SYT1: variants seen among roughly 807,000 people sequenced by gnomAD.
SYT1 encodes synaptotagmin-1.
A neutral mutation model predicts 44.8 loss-of-function variants in SYT1; 8 were observed. That is an observed-to-expected ratio of 0.18 (90% CI 0.10 to 0.32). The LOEUF (loss-of-function observed/expected upper bound fraction) is 0.32. SYT1 is among the 10% of genes least tolerant of loss of function. SYT1 has a pLI of 1.00. For synonymous variants in SYT1, 154 were observed against 188.8 expected (o/e 0.82, Z 1.51); for missense variants, 286 against 509.3 (o/e 0.56, Z 4.22).
At chr12:79,191,102 T>A (rs1873094474) in intron 3 of SYT1, among the ~76,000 whole-genome samples, 1 of 150,954 alleles carries the variant, frequency 6.6e-6, no homozygotes, top group Non-Finnish European at 1.5e-5. Context: ...TAAATATAAA[T>A]ATATATATAT....
chr12:79,217,479 G>T, intron 3 of SYT1, 24 bp from the exon 4 acceptor site: 1 of 1,535,184 alleles, frequency 6.5e-7, no homozygotes. Context: ...GAATTGTTCT[G>T]TCTTTGCTTC....
At chr12:79,409,919 G>GT (rs5799431) in intron 9 of SYT1, among the ~76,000 whole-genome samples, 18 of 151,640 alleles carry the variant, frequency 1.2e-4, no homozygotes, top group African/African-American at 2.9e-4. Flanking sequence ...ACTCTAAACT[G>GT]TTTTTTTTCC....
chr12:79,250,557 C>G (rs1877139114), intron 4 of SYT1, among the ~76,000 whole-genome samples: 1 of 152,130 alleles, frequency 6.6e-6, no homozygotes, highest in Admixed American at 6.5e-5. Flanking sequence ...ATAATTTATA[C>G]TGCAGCAACA....
intron 9 of SYT1, among the ~76,000 whole-genome samples, chr12:79,421,149 G>A (rs1269603): frequency 0.14 from 21,683 of 152,030 alleles, 2,028 homozygotes; most frequent in Middle Eastern, 0.33. Flanking sequence ...TTTTAAGATC[G>A]TATTGCTTTA....
intron 3 of SYT1, among the ~76,000 whole-genome samples, chr12:79,157,930 C>T (rs1303236917): frequency 1.3e-5 from 2 of 152,076 alleles, no homozygotes; most frequent in African/African-American, 4.8e-5. Flanking sequence ...AGGACTCAAA[C>T]TCAGGCAGCT....
chr12:79,359,297 A>G (rs1220945229), intron 9 of SYT1, among the ~76,000 whole-genome samples: 10 of 152,160 alleles, frequency 6.6e-5, no homozygotes, highest in Admixed American at 6.6e-4. Flanking sequence ...TCAAGGAGCT[A>G]GGGAGGTGGC....
At chr12:79,446,115 G>T (rs776906570) in intron 10 of SYT1, among the ~76,000 whole-genome samples, 6 of 143,942 alleles carry the variant, frequency 4.2e-5, no homozygotes, top group Non-Finnish European at 7.5e-5. Flanking sequence ...AAGTACTATT[G>T]TTATTATCCT....
At chr12:78,998,285 G>C (rs545765577) in intron 2 of SYT1, among the ~76,000 whole-genome samples, 5 of 152,176 alleles carry the variant, frequency 3.3e-5, no homozygotes, top group Non-Finnish European at 5.9e-5. Flanking sequence ...GGAACAGTTA[G>C]GGCAAGAGCA....
chr12:78,974,120 G>T (rs1449197225), intron 1 of SYT1, among the ~76,000 whole-genome samples: 1 of 149,940 alleles, frequency 6.7e-6, no homozygotes, highest in South Asian at 2.1e-4. Flanking sequence ...TAGGCTAGAT[G>T]GTATAGCCTA....
At chr12:78,898,726 T>C (rs1314357913) in intron 1 of SYT1, among the ~76,000 whole-genome samples, 6 of 152,122 alleles carry the variant, frequency 3.9e-5, no homozygotes, top group Non-Finnish European at 7.3e-5. Flanking sequence ...GGAGCACAGA[T>C]ATTTTTGATT....
chr12:79,321,954 G>A (rs193163678), intron 8 of SYT1, among the ~76,000 whole-genome samples: 9 of 152,290 alleles, frequency 5.9e-5, no homozygotes, highest in South Asian at 2.1e-4. Context: ...TAGAGTGCCC[G>A]GACGAGAGGA....
chr12:78,940,575 G>T (rs1001595450), intron 1 of SYT1, among the ~76,000 whole-genome samples: 1 of 151,130 alleles, frequency 6.6e-6, no homozygotes, highest in African/African-American at 2.4e-5. Context: ...TTAATTTTTT[G>T]TAGAGATGGG....
At chr12:79,359,266 A>C (rs1276397480) in intron 9 of SYT1, among the ~76,000 whole-genome samples, 1 of 152,186 alleles carries the variant, frequency 6.6e-6, no homozygotes, top group Non-Finnish European at 1.5e-5. Context: ...ACATGTAGCT[A>C]TTCCAGCAGC....
chr12:79,230,979 A>T (rs965441580), intron 4 of SYT1, among the ~76,000 whole-genome samples: 26 of 152,210 alleles, frequency 1.7e-4, no homozygotes, highest in African/African-American at 6.3e-4. Context: ...ACCACGTAGC[A>T]AACCACAGAC....
intron 3 of SYT1, among the ~76,000 whole-genome samples, chr12:79,157,190 G>T (rs563698375): frequency 1.8e-4 from 27 of 152,144 alleles, no homozygotes; most frequent in Non-Finnish European, 2.8e-4. Flanking sequence ...AGCTTGTCAC[G>T]CAAGACAAAG....
At chr12:79,401,715 G>C (rs145643958) in intron 9 of SYT1, among the ~76,000 whole-genome samples, 17 of 150,970 alleles carry the variant, frequency 1.1e-4, no homozygotes, top group African/African-American at 3.2e-4. Flanking sequence ...TGCTACCCAG[G>C]CTGGAGTGCA....
chr12:79,296,339 G>T, intron 7 of SYT1, 103 bp downstream of exon 7: 2 of 1,205,316 alleles, frequency 1.7e-6, no homozygotes, highest in Non-Finnish European at 1.1e-6. Context: ...GCTTGTTCAG[G>T]CACTCACAAT....
At chr12:79,098,192 A>T (rs754747214) in intron 3 of SYT1, among the ~76,000 whole-genome samples, 1 of 152,032 alleles carries the variant, frequency 6.6e-6, no homozygotes, top group Admixed American at 6.6e-5. Context: ...TCCCTCTGCA[A>T]AAGGCTCAAC....
intron 4 of SYT1, among the ~76,000 whole-genome samples, chr12:79,229,954 G>A (rs1015213303): frequency 2.0e-5 from 3 of 151,976 alleles, no homozygotes; most frequent in Admixed American, 1.3e-4. Context: ...ATATTTTGGG[G>A]GTCATTTTCA....
Sources: gnomAD v4.1 joint callset for allele counts (sites outside exome capture counted in the v4.1 genomes callset) on GRCh38, gnomAD v4.1.1 for gene constraint, MANE v1.5 for transcripts, NCBI Gene and HGNC (gene_info 2026-07-23, HGNC 2026-07-21) for gene names.